Variants in GLIS3 observed in about 807,000 individuals in gnomAD.
GLIS3 encodes the protein GLIS family zinc finger 3.
A neutral mutation model predicts 78.6 loss-of-function variants in GLIS3; 53 were observed. That is an observed-to-expected ratio of 0.67 (90% CI 0.54 to 0.85). The LOEUF is 0.85. GLIS3 is among the 40% of genes least tolerant of loss of function. GLIS3 has a pLI of 0.00. For synonymous variants in GLIS3, 684 were observed against 509.9 expected (o/e 1.34, Z -4.60); for missense variants, 1,703 against 1,231.1 (o/e 1.38, Z -5.74).
At chr9:4,302,498 AC>A (rs1363226943), upstream of GLIS3, among the ~76,000 whole-genome samples, 1 of 152,174 alleles carries the variant, frequency 6.6e-6, no homozygotes, top group Non-Finnish European at 1.5e-5. Flanking sequence ...ATTACAGAAA[AC>A]TTTTTGCCCA....
At chr9:4,028,158 T>G (rs950014481) in intron 4 of GLIS3, among the ~76,000 whole-genome samples, 5 of 152,230 alleles carry the variant, frequency 3.3e-5, no homozygotes, top group African/African-American at 1.2e-4. Context: ...AGACAACTTC[T>G]AGGGTCCATT....
At chr9:4,468,945 T>A in the GLIS3 span, among the ~76,000 whole-genome samples, 1 of 152,124 alleles carries the variant, frequency 6.6e-6, no homozygotes, top group Non-Finnish European at 1.5e-5. Flanking sequence ...GAGGAAGATC[T>A]ACCAAGCAAA....
chr9:4,146,746 C>T (rs544628677), intron 2 of GLIS3, among the ~76,000 whole-genome samples: 1 of 152,232 alleles, frequency 6.6e-6, no homozygotes, highest in African/African-American at 2.4e-5. Context: ...CCTAAATATG[C>T]AATTTATGTC....
the GLIS3 span, among the ~76,000 whole-genome samples, chr9:4,397,683 AGGGAGGG>A: frequency 0.012 from 54 of 4,336 alleles, no homozygotes; most frequent in East Asian, 0.053. Flanking sequence ...GGAGGAAGGG[AGGGAGGG>A]AGGGAGGGAG....
the GLIS3 span, among the ~76,000 whole-genome samples, chr9:4,485,356 T>A: frequency 6.6e-6 from 1 of 152,094 alleles, no homozygotes; most frequent in African/African-American, 2.4e-5. Flanking sequence ...CTTGGATTTC[T>A]GAGGACTGGC....
chr9:4,430,405 G>A, the GLIS3 span, among the ~76,000 whole-genome samples: 4 of 152,294 alleles, frequency 2.6e-5, no homozygotes, highest in South Asian at 2.1e-4. Context: ...GCAGCTCCCC[G>A]TCTAGACAAA....
At chr9:4,398,631 G>A in the GLIS3 span, among the ~76,000 whole-genome samples, 1 of 151,878 alleles carries the variant, frequency 6.6e-6, no homozygotes, top group African/African-American at 2.4e-5. Context: ...CTCTTCCCCT[G>A]GCCCCAATCA....
the GLIS3 span, among the ~76,000 whole-genome samples, chr9:4,438,989 C>A: frequency 6.6e-6 from 1 of 152,156 alleles, no homozygotes; most frequent in Non-Finnish European, 1.5e-5. Context: ...CACTGTTTGA[C>A]CAACTTTTAA....
chr9:4,324,696 G>C (rs1053229718), intron 2 of GLIS3, among the ~76,000 whole-genome samples: 3 of 152,166 alleles, frequency 2.0e-5, no homozygotes, highest in African/African-American at 4.8e-5. Flanking sequence ...AAAATGCAAG[G>C]AAGCGGGAAG....
At chr9:4,136,004 G>GT (rs1833380718) in intron 2 of GLIS3, among the ~76,000 whole-genome samples, 1 of 152,184 alleles carries the variant, frequency 6.6e-6, no homozygotes, top group Non-Finnish European at 1.5e-5. Flanking sequence ...CTGAAATACA[G>GT]TAAGGCATGG....
At chr9:3,974,466 CTA>C (rs1818618467) in intron 4 of GLIS3, among the ~76,000 whole-genome samples, 1 of 152,118 alleles carries the variant, frequency 6.6e-6, no homozygotes, top group African/African-American at 2.4e-5. Flanking sequence ...TTTGAAATCT[CTA>C]TTGCTTAGTG....
chr9:4,266,540 C>A (rs1826024530), intron 2 of GLIS3, among the ~76,000 whole-genome samples: 1 of 151,894 alleles, frequency 6.6e-6, no homozygotes, highest in South Asian at 2.1e-4. Flanking sequence ...TCTTACTGCC[C>A]ACCCTCTTCA....
intron 2 of GLIS3, among the ~76,000 whole-genome samples, chr9:4,133,772 T>C (rs1272595386): frequency 6.6e-6 from 1 of 151,538 alleles, no homozygotes; most frequent in Non-Finnish European, 1.5e-5. Context: ...CTAGCACCTC[T>C]TCTCCTGAGT....
intron 3 of GLIS3, among the ~76,000 whole-genome samples, chr9:4,119,297 C>T (rs1012261355): frequency 9.2e-5 from 14 of 152,162 alleles, no homozygotes; most frequent in African/African-American, 3.4e-4. Flanking sequence ...CATGTTATGA[C>T]AGGCTTTGCA....
chr9:4,452,873 G>T, the GLIS3 span, among the ~76,000 whole-genome samples: 1 of 152,042 alleles, frequency 6.6e-6, no homozygotes, highest in African/African-American at 2.4e-5. Context: ...TAAGCAAAAA[G>T]GACAAAGCTG....
Position 3,856,189 on chromosome 9 carries a change from G to GA in GLIS3, c.2298-6dup. On this transcript the variant is annotated splice_polypyrimidine_tract_variant and splice_region_variant and intron_variant, in intron 8 of 10. Coordinates refer to ENST00000381971, the MANE Select transcript of GLIS3 (RefSeq NM_001042413.2). ...GATGGAGCAGAAGGTGCAAACCTGA[G>GA]AAAACAATTATAAAAGGAAACATGA... The GA allele has an allele frequency of 6.2e-7, 1 of 1,612,706 alleles. No homozygotes were observed. Among genetic ancestry groups the GA allele is most frequent in the Non-Finnish European group, 8.5e-7 (1 of 1,179,328 alleles).
At chr9:3,981,949 G>A (rs867779559) in intron 4 of GLIS3, among the ~76,000 whole-genome samples, 2 of 152,102 alleles carry the variant, frequency 1.3e-5, no homozygotes, top group African/African-American at 2.4e-5. Context: ...CTGCCACAGA[G>A]GGAGAGAGGG....
rs776981283 is a variant in GLIS3, at chr9:4,118,750, T to G, written c.728A>C (p.Gln243Pro). Residue 243 changes from glutamine to proline, a missense_variant, in exon 4 of 11, where the codon CAG (glutamine) becomes CCG (proline). Transcript: ENST00000381971. The surrounding 1 kb of genome is among the most constrained non-coding windows in gnomAD (Gnocchi z 4.7). ...ALPSLSNHGS[Q>P]NGLDLGDLLS... ...GAGATCCCCTAGATCAAGGCCATTC[T>G]GAGAGCCGTGGTTGGAGAGCGAAGG... The G allele has an allele frequency of 1.2e-5, 19 of 1,613,944 alleles. No homozygotes were observed. The highest frequency in any genetic ancestry group is 1.1e-4 in the East Asian group (5 of 44,864).
chr9:4,043,046 C>A (rs1248858975), intron 4 of GLIS3, among the ~76,000 whole-genome samples: 1 of 152,012 alleles, frequency 6.6e-6, no homozygotes, highest in Non-Finnish European at 1.5e-5. Context: ...CTACTAAGAA[C>A]CCAAAATGGT....
Sources: allele counts gnomAD v4.1 joint callset (sites outside exome capture counted in the v4.1 genomes callset), GRCh38; gene constraint gnomAD v4.1.1; non-coding constraint Gnocchi (gnomAD v3.1); transcripts MANE v1.5; gene names NCBI Gene and HGNC (gene_info 2026-07-23, HGNC 2026-07-21).